FAM168A: variants seen among roughly 807,000 people sequenced by gnomAD.
FAM168A encodes the protein family with sequence similarity 168 member A.
A neutral mutation model predicts 28.5 loss-of-function variants in FAM168A; 3 were observed. That is an observed-to-expected ratio of 0.11 (90% CI 0.05 to 0.27). The LOEUF is 0.27. Ranked by LOEUF, FAM168A falls within the 10% of genes least tolerant of loss-of-function variation. The pLI is 1.00. For missense variants in FAM168A, 222 were observed against 311.5 expected (o/e 0.71, Z 2.16); for synonymous variants, 122 against 124.2 (o/e 0.98, Z 0.12).
At chr11:73,437,074 A>T (rs1867101232) in intron 2 of FAM168A, among the ~76,000 whole-genome samples, 1 of 150,412 alleles carries the variant, frequency 6.6e-6, no homozygotes. Flanking sequence ...GGCACACATG[A>T]CTGGCAGCAT....
intron 1 of FAM168A, among the ~76,000 whole-genome samples, chr11:73,487,933 T>C (rs2134603974): frequency 6.6e-6 from 1 of 152,230 alleles, no homozygotes; most frequent in African/African-American, 2.4e-5. Context: ...CTTGGTCAAT[T>C]TTTTAATAAT....
At chr11:73,441,117 G>A (rs1335664894) in intron 2 of FAM168A, among the ~76,000 whole-genome samples, 1 of 149,840 alleles carries the variant, frequency 6.7e-6, no homozygotes, top group African/African-American at 2.5e-5. Flanking sequence ...GGAGTGCAGT[G>A]GCGCTATCTC....
intron 1 of FAM168A, among the ~76,000 whole-genome samples, chr11:73,573,622 T>G (rs1403044754): frequency 6.6e-6 from 1 of 152,174 alleles, no homozygotes; most frequent in Non-Finnish European, 1.5e-5. Flanking sequence ...TCAAGGGAAA[T>G]TTTAAATTTG....
rs560325131 is a variant in FAM168A at position 73,512,589 on chromosome 11, G to C, written c.-18-44097C>G. The stretch of plus-strand genomic sequence containing the variant: ...AATATATGAATTATATCTCAATAAA[G>C]CTATTTTATTAAAAAAGAAAAAAAA... On this transcript the variant is annotated intron_variant, in intron 1 of 7. Coordinates refer to ENST00000356467, the MANE Select transcript of FAM168A (RefSeq NM_015159.3). Among the ~76,000 whole-genome samples the C allele has an allele frequency of 4.6e-5, 7 of 151,840 alleles. No individual in the cohort carries two copies. In the East Asian group the frequency reaches 1.4e-3, roughly 29 times the overall value.
intron 2 of FAM168A, among the ~76,000 whole-genome samples, chr11:73,444,103 T>A (rs1024704934): frequency 1.3e-5 from 2 of 152,130 alleles, no homozygotes; most frequent in Non-Finnish European, 2.9e-5. Context: ...TTACCAGACA[T>A]AATATCATAG....
At chr11:73,431,266 C>T (rs1401927479) in intron 2 of FAM168A, among the ~76,000 whole-genome samples, 1 of 152,098 alleles carries the variant, frequency 6.6e-6, no homozygotes, top group African/African-American at 2.4e-5. Context: ...CACTTGAACT[C>T]GGGAGGCAGA....
At chr11:73,450,894 A>C (rs79128565) in intron 2 of FAM168A, among the ~76,000 whole-genome samples, 5,976 of 152,244 alleles carry the variant, frequency 0.039, 406 homozygotes, top group African/African-American at 0.14. Context: ...GAGGTTCTCT[A>C]ATCTCCCAAA....
chr11:73,458,240 C>G (rs1867576021), intron 2 of FAM168A, among the ~76,000 whole-genome samples: 1 of 152,064 alleles, frequency 6.6e-6, no homozygotes, highest in Non-Finnish European at 1.5e-5. Context: ...AAATAATAAC[C>G]CAACAACAGC....
intron 1 of FAM168A, among the ~76,000 whole-genome samples, chr11:73,569,163 A>G (rs915653330): frequency 3.9e-5 from 6 of 152,224 alleles, no homozygotes; most frequent in African/African-American, 1.4e-4. Flanking sequence ...AACATAATCA[A>G]TTAGTGACTA....
chr11:73,585,595 T>C (rs187413411), intron 1 of FAM168A, among the ~76,000 whole-genome samples: 2 of 152,122 alleles, frequency 1.3e-5, no homozygotes, highest in East Asian at 1.9e-4. Context: ...TGGCCAGGCG[T>C]AGTGGCTCAC....
chr11:73,597,383 C>T (rs529240862), intron 1 of FAM168A, among the ~76,000 whole-genome samples: 14 of 152,094 alleles, frequency 9.2e-5, no homozygotes, highest in African/African-American at 3.4e-4. Context: ...CTCCTGCCAC[C>T]TCCATCATCC....
rs371535215 is a variant in FAM168A, at chr11:73,477,538, G to A, written c.-18-9046C>T. Among the ~76,000 whole-genome samples, 186 of 151,946 alleles carry A rather than the reference G, an allele frequency of 1.2e-3. 5 individuals are homozygous for A. In the South Asian group the frequency reaches 0.031, roughly 26 times the overall value. ...GATAAACACAAAAAGATCCATAACC[G>A]GACACAATATAGTAAAACTTCTAAA... On this transcript the variant is annotated intron_variant, in intron 1 of 7. Transcript: ENST00000356467.
intron 1 of FAM168A, among the ~76,000 whole-genome samples, chr11:73,519,012 G>A (rs912693314): frequency 5.9e-5 from 9 of 152,182 alleles, no homozygotes; most frequent in African/African-American, 2.2e-4. Flanking sequence ...AGATGCTGAT[G>A]CCATGCTTCC....
At position 73,438,523 on chromosome 11, in the gene FAM168A, C is replaced by T. The variant is rs112505444; in HGVS notation, c.71-7753G>A. On this transcript the variant is annotated intron_variant, in intron 2 of 7. Coordinates refer to ENST00000356467, the MANE Select transcript of FAM168A (RefSeq NM_015159.3). ...AAGTACAGTTGGAATTTACTGCGTG[C>T]GGGGAAAAGTGGCAGGAAATAAAGA... Among the ~76,000 whole-genome samples, 34 of 151,930 alleles carry T rather than the reference C, an allele frequency of 2.2e-4. 1 individual carries two copies. The highest frequency in any genetic ancestry group is 6.3e-4 in the African/African-American group (26 of 41,400).
At chr11:73,544,994 G>GTATATATAATTATATAT (rs1565291876) in intron 1 of FAM168A, among the ~76,000 whole-genome samples, 1 of 59,936 alleles carries the variant, frequency 1.7e-5, no homozygotes, top group African/African-American at 1.4e-4. Flanking sequence ...TTTATATATA[G>GTATATATAATTATATAT]TATATATAAT....
At chr11:73,444,782 C>A (rs1590781708) in intron 2 of FAM168A, among the ~76,000 whole-genome samples, 1 of 152,178 alleles carries the variant, frequency 6.6e-6, no homozygotes, top group Admixed American at 6.5e-5. Flanking sequence ...TACAACAGTA[C>A]ATAGCATATA....
intron 2 of FAM168A, among the ~76,000 whole-genome samples, chr11:73,462,419 T>G (rs1465807383): frequency 6.6e-6 from 1 of 152,060 alleles, no homozygotes; most frequent in Non-Finnish European, 1.5e-5. Context: ...AATAAGTAGG[T>G]TGGTGATTGC....
At chr11:73,418,394 TG>T (rs1434414147) in intron 4 of FAM168A, among the ~76,000 whole-genome samples, 1 of 152,182 alleles carries the variant, frequency 6.6e-6, no homozygotes, top group Admixed American at 6.5e-5. Context: ...CTTCCTCTTT[TG>T]CCTTCCGCCA....
At chr11:73,519,196 C>T (rs1436224599) in intron 1 of FAM168A, among the ~76,000 whole-genome samples, 1 of 152,164 alleles carries the variant, frequency 6.6e-6, no homozygotes, top group African/African-American at 2.4e-5. Context: ...TTCTCCTCCC[C>T]TTGAATCTGG....
Sources: allele counts gnomAD v4.1 joint callset (sites outside exome capture counted in the v4.1 genomes callset), GRCh38; gene constraint gnomAD v4.1.1; transcripts MANE v1.5; gene names NCBI Gene and HGNC (gene_info 2026-07-23, HGNC 2026-07-21).